The following DOCK8 variants were observed in gnomAD, a reference collection of about 807,000 sequenced individuals.
DOCK8 encodes the protein dedicator of cytokinesis protein 8.
A neutral mutation model predicts 245.6 loss-of-function variants in DOCK8; 141 were observed. The ratio of observed to expected loss-of-function variants is 0.57; its 90% CI spans 0.50 to 0.66. DOCK8 has a LOEUF of 0.66. DOCK8 is among the 30% of genes least tolerant of loss of function. The pLI, the probability that DOCK8 is intolerant of heterozygous loss-of-function variation, is 0.00. For synonymous variants in DOCK8, 1,168 were observed against 970.2 expected, an observed-to-expected ratio of 1.20 and a Z score of -3.79; for missense variants, 2,965 against 2,603.4, an observed-to-expected ratio of 1.14 and a Z score of -3.02.
rs762791943 is a variant in DOCK8, at chr9:289,625, T to C, written c.404+44T>C. 18 of 1,485,294 alleles carry C rather than the reference T, an allele frequency of 1.2e-5. No homozygotes were observed. The South Asian group carries it at 2.2e-4, about 18-fold the overall frequency. 92.0% of individuals were successfully genotyped at this position (1,485,294 alleles called of 1,614,324 possible). The stretch of plus-strand genomic sequence containing the variant: ...ACTTTTTGTATATAAATATTAATTT[T>C]ATATTGCTAGTTTTTAAATATTTCT... On this transcript the variant is annotated intron_variant, in intron 4 of 47. Transcript: ENST00000432829.
At chr9:296,743 G>C (rs1451479028) in intron 4 of DOCK8, among the ~76,000 whole-genome samples, 1 of 152,184 alleles carries the variant, frequency 6.6e-6, no homozygotes, top group Non-Finnish European at 1.5e-5. Flanking sequence ...CTTTCTAAAA[G>C]TATGAAAAGC....
intron 14 of DOCK8, among the ~76,000 whole-genome samples, chr9:341,363 A>G (rs1282418414): frequency 2.0e-5 from 3 of 152,236 alleles, no homozygotes; most frequent in Admixed American, 2.0e-4. Context: ...TGCCAAAGGC[A>G]TTAATGCTCA....
intron 1 of DOCK8, among the ~76,000 whole-genome samples, chr9:239,574 C>T (rs1000935230): frequency 3.3e-5 from 5 of 152,162 alleles, no homozygotes; most frequent in African/African-American, 4.8e-5. Context: ...GATTAGAGAC[C>T]TGCAAACAAG....
intron 36 of DOCK8, among the ~76,000 whole-genome samples, chr9:430,970 A>G (rs529445314): frequency 1.1e-4 from 17 of 152,212 alleles, no homozygotes; most frequent in African/African-American, 3.9e-4. Context: ...CCTGGGCTCA[A>G]ATGATCCTCC....
intron 1 of DOCK8, among the ~76,000 whole-genome samples, chr9:270,410 C>A (rs1204107281): frequency 1.3e-5 from 2 of 152,178 alleles, no homozygotes; most frequent in African/African-American, 4.8e-5. Flanking sequence ...ATTTGTGTTT[C>A]TGCCTAGACA....
At chr9:290,877 G>A (rs1309497372) in intron 4 of DOCK8, among the ~76,000 whole-genome samples, 1 of 152,220 alleles carries the variant, frequency 6.6e-6, no homozygotes, top group Non-Finnish European at 1.5e-5. Flanking sequence ...GTGCCATTGA[G>A]TTTGTGCTGA....
At chr9:330,852 G>A (rs1474236518) in intron 9 of DOCK8, among the ~76,000 whole-genome samples, 1 of 152,090 alleles carries the variant, frequency 6.6e-6, no homozygotes, top group Middle Eastern at 3.2e-3. Flanking sequence ...TTCTCATGTC[G>A]GTCTGCAGCT....
At chr9:312,526 T>C (rs1473119479) in intron 6 of DOCK8, 1 of 426,054 alleles carries the variant, frequency 2.3e-6, no homozygotes, top group Non-Finnish European at 4.6e-6. Context: ...CACTAATCCA[T>C]TGAGACATAC....
intron 1 of DOCK8, among the ~76,000 whole-genome samples, chr9:267,011 G>A (rs1360883028): frequency 6.6e-6 from 1 of 152,114 alleles, no homozygotes; most frequent in Non-Finnish European, 1.5e-5. Flanking sequence ...GTTCCTTTTT[G>A]TGGAGACAGA....
At chr9:261,792 T>G (rs1230961835) in intron 1 of DOCK8, among the ~76,000 whole-genome samples, 1 of 152,182 alleles carries the variant, frequency 6.6e-6, no homozygotes, top group Non-Finnish European at 1.5e-5. Flanking sequence ...ACATACATAT[T>G]TAGAATTGTT....
chr9:242,794 G>A (rs533001831), intron 1 of DOCK8, among the ~76,000 whole-genome samples: 78 of 151,620 alleles, frequency 5.1e-4, no homozygotes, highest in African/African-American at 1.8e-3. Context: ...GGCCTTCCAC[G>A]GAATCTGTTG....
chr9:403,792 G>A (rs1157186925), intron 26 of DOCK8, among the ~76,000 whole-genome samples: 1 of 150,592 alleles, frequency 6.6e-6, no homozygotes, highest in Non-Finnish European at 1.5e-5. Context: ...TTGAACCTGG[G>A]AGATGAAGGT....
chr9:218,716 A>T (rs111617959), intron 1 of DOCK8, among the ~76,000 whole-genome samples: 6 of 152,344 alleles, frequency 3.9e-5, no homozygotes, highest in Admixed American at 3.9e-4. Context: ...TTGATCAAAT[A>T]TTAAAGTAAA....
chr9:406,798 G>C, intron 27 of DOCK8, 132 bp from the exon 28 acceptor site: 2 of 1,074,732 alleles, frequency 1.9e-6, no homozygotes, highest in South Asian at 1.3e-5. Flanking sequence ...CGCCTTATCT[G>C]GCACCAGAGT....
At chr9:424,905 G>T (rs1182487680) in intron 33 of DOCK8, among the ~76,000 whole-genome samples, 2 of 152,172 alleles carry the variant, frequency 1.3e-5, no homozygotes, top group African/African-American at 4.8e-5. Flanking sequence ...CAATACAGTA[G>T]CCATTAGCCA....
chr9:286,623 T>C lies in DOCK8; in HGVS notation c.319T>C (p.Leu107=), dbSNP rs199565980. Residue 107 remains leucine (L), a synonymous_variant, in exon 3 of 48, where the codon TTG becomes CTG. Transcript: ENST00000432829. ...GGAATGTAGGACTTTGCAGCCCTCTTTGCCGGAGGAAGGGTAAATAGTTTT... is the reference window on the plus strand; with the variant it reads ...GGAATGTAGGACTTTGCAGCCCTCTCTGCCGGAGGAAGGGTAAATAGTTTT... ...PKECRTLQPS[L]PEEGVELDPH... The C allele has an allele frequency of 1.9e-6, 3 of 1,613,884 alleles. No homozygotes were observed. In the South Asian group the frequency reaches 3.3e-5, roughly 18 times the overall value.
At chr9:240,301 T>C (rs371539454) in intron 1 of DOCK8, among the ~76,000 whole-genome samples, 141 of 152,238 alleles carry the variant, frequency 9.3e-4, no homozygotes, top group Non-Finnish European at 9.7e-4. Flanking sequence ...AAACCCATTA[T>C]TATGATTGAG....
intron 7 of DOCK8, among the ~76,000 whole-genome samples, chr9:325,002 G>A (rs557482429): frequency 5.9e-5 from 9 of 151,810 alleles, no homozygotes; most frequent in Admixed American, 1.3e-4. Flanking sequence ...AGTCTCCAAG[G>A]TCCATTATAC....
intron 26 of DOCK8, among the ~76,000 whole-genome samples, chr9:402,173 C>G (rs1462555196): frequency 1.3e-5 from 2 of 152,202 alleles, no homozygotes; most frequent in African/African-American, 4.8e-5. Flanking sequence ...ATCTGCCTTC[C>G]CTGCAAAACT....
Sources: allele counts gnomAD v4.1 joint callset (sites outside exome capture counted in the v4.1 genomes callset), GRCh38; gene constraint gnomAD v4.1.1; transcripts MANE v1.5; gene names NCBI Gene and HGNC (gene_info 2026-07-23, HGNC 2026-07-21).